FANCI: variants seen among roughly 807,000 people sequenced by gnomAD.
FANCI encodes FA complementation group I, also known as Fanconi anemia group I protein.
Under a neutral mutation model 176.1 loss-of-function variants are expected in FANCI, and 156 were observed. The observed-to-expected ratio is 0.89, with a 90% confidence interval of 0.78 to 1.01. The LOEUF (loss-of-function observed/expected upper bound fraction) is 1.01, where lower values mean the gene tolerates loss of function less well. FANCI is among the 50% of genes least tolerant of loss of function. The pLI is 0.00. For missense variants in FANCI, 1,678 were observed against 1,534.1 expected, an observed-to-expected ratio of 1.09 and a Z score of -1.57; for synonymous variants, 613 against 541.7, an observed-to-expected ratio of 1.13 and a Z score of -1.83.
At chr15:89,311,024 G>A (rs2054934084) in intron 34 of FANCI, among the ~76,000 whole-genome samples, 2 of 152,150 alleles carry the variant, frequency 1.3e-5, no homozygotes, top group African/African-American at 2.4e-5. Context: ...TTGGGAGGCT[G>A]AGGCAGGCGG....
At chr15:89,253,425 G>C (rs2052348130) in intron 2 of FANCI, among the ~76,000 whole-genome samples, 1 of 152,132 alleles carries the variant, frequency 6.6e-6, no homozygotes, top group Non-Finnish European at 1.5e-5. Context: ...GAGGTGGGAA[G>C]ATCGCTTGAG....
In FANCI at chr15:89,300,262, T is replaced by C. The variant is rs1025887889; in HGVS notation, c.2804-38T>C. 21 of 1,592,048 alleles carry C rather than the reference T, an allele frequency of 1.3e-5. No homozygotes were observed. In the African/African-American group the frequency reaches 2.6e-4, roughly 19 times the overall value. ...ATTAAAAGGCCAAAAAGTATGAGTT[T>C]ATATCAAAGAAGACAAGAGTTTCTT... On this transcript the variant is annotated intron_variant, in intron 25 of 37. Transcript: ENST00000310775.
chr15:89,253,402 A>G (rs980932195), intron 2 of FANCI, among the ~76,000 whole-genome samples: 2 of 152,124 alleles, frequency 1.3e-5, no homozygotes, highest in African/African-American at 4.8e-5. Flanking sequence ...TAATCCCAGC[A>G]CTTTGGGAGG....
At position 89,316,618 on chromosome 15, in the gene FANCI, AG is replaced by A; in HGVS notation, c.*161del. ...TTCAGTTAGAAGGAATCTTCTTGGC[AG>A]GTCCTGCTACTGAAAAATGGCTGGC... On this transcript the variant is annotated 3_prime_UTR_variant, in exon 38 of 38. Coordinates refer to ENST00000310775, the MANE Select transcript of FANCI (RefSeq NM_001113378.2). 2 of 1,102,506 alleles carry A rather than the reference AG, an allele frequency of 1.8e-6. No homozygotes were observed. The highest frequency in any genetic ancestry group is 2.7e-6 in the Non-Finnish European group (2 of 728,570). The allele number at this position is 1,102,506 out of a possible 1,614,324, so 68.3% of individuals were successfully genotyped here.
In FANCI at chr15:89,258,741, A is replaced by G. The variant is rs1315561446; in HGVS notation, c.122A>G (p.Lys41Arg). Residue 41 changes from lysine to arginine, a missense_variant, in exon 3 of 38, where the codon AAA (lysine) becomes AGA (arginine). Around this residue, in one of 3 missense-constraint regions of FANCI, gnomAD observed 469 missense variants for 436.9 expected, o/e 1.07. Coordinates refer to ENST00000310775, the MANE Select transcript of FANCI (RefSeq NM_001113378.2). ...NLLQNQAVKG[K>R]VAGALLRAIF... Reference sequence around the variant, plus strand: ...CTTCAGAATCAAGCAGTGAAAGGAAAAGTTGCTGGAGCACTCCTGAGAGCC... The same window carrying G: ...CTTCAGAATCAAGCAGTGAAAGGAAGAGTTGCTGGAGCACTCCTGAGAGCC... The G allele has an allele frequency of 1.2e-6, 2 of 1,613,634 alleles. No homozygotes were observed. The highest frequency in any genetic ancestry group is 2.2e-5 in the East Asian group (1 of 44,876).
intron 35 of FANCI, 150 bp downstream of exon 35, chr15:89,313,122 T>A (rs1432053720): frequency 1.3e-6 from 1 of 787,058 alleles, no homozygotes; most frequent in Middle Eastern, 2.2e-4. Flanking sequence ...CAAACTAGAT[T>A]AGTGGTAGCG....
At chr15:89,314,843 C>A (rs1332688617) in intron 36 of FANCI, 136 bp downstream of exon 36, 36 of 552,000 alleles carry the variant, frequency 6.5e-5, no homozygotes, top group Admixed American at 2.6e-4. Flanking sequence ...CTCTCCCCCC[C>A]CCCCCCTTTT....
chr15:89,289,595 C>T lies in FANCI; in HGVS notation c.1822-618C>T, dbSNP rs1043022934. The stretch of plus-strand genomic sequence containing the variant: ...TGCTGGGATTACAGGCATGAGCCAC[C>T]GTGTCTGGCCTGTTTCTTTTCTTTA... On this transcript the variant is annotated intron_variant, in intron 18 of 37. Transcript: ENST00000310775. Among the ~76,000 whole-genome samples, 4 of 151,738 alleles carry T rather than the reference C, an allele frequency of 2.6e-5. No homozygotes were observed. The East Asian group carries it at 5.9e-4, about 22-fold the overall frequency.
chr15:89,256,370 C>T (rs952769150), intron 2 of FANCI, among the ~76,000 whole-genome samples: 6 of 152,202 alleles, frequency 3.9e-5, no homozygotes, highest in Admixed American at 2.6e-4. Flanking sequence ...GGACCAAGTA[C>T]TCTGTTGGAA....
At chr15:89,277,196 T>C (rs1031900544) in intron 13 of FANCI, among the ~76,000 whole-genome samples, 14 of 152,242 alleles carry the variant, frequency 9.2e-5, no homozygotes, top group Admixed American at 9.2e-4. Context: ...GTAAACCATT[T>C]CTAGTTTTTG....
intron 34 of FANCI, chr15:89,307,994 G>C: frequency 8.0e-7 from 1 of 1,250,394 alleles, no homozygotes; most frequent in African/African-American, 1.5e-5. Context: ...GGCATCCTCT[G>C]GGAATGTGAG....
At chr15:89,300,584 C>A (rs966801381) in intron 26 of FANCI, among the ~76,000 whole-genome samples, 199 bp downstream of exon 26, 1 of 152,164 alleles carries the variant, frequency 6.6e-6, no homozygotes, top group African/African-American at 2.4e-5. Flanking sequence ...GGTATTTAGC[C>A]ACCCCAACCT....
intron 2 of FANCI, among the ~76,000 whole-genome samples, chr15:89,248,973 G>A (rs906281306): frequency 3.9e-5 from 6 of 152,104 alleles, no homozygotes; most frequent in African/African-American, 1.2e-4. Flanking sequence ...CCAGGAGTTC[G>A]AGATCAGCTT....
rs144536037 is a variant in FANCI at position 89,289,361 on chromosome 15, G to A, written c.1822-852G>A. Among the ~76,000 whole-genome samples, 745 of 151,974 alleles carry A rather than the reference G, an allele frequency of 4.9e-3. 3 individuals carry two copies. Among genetic ancestry groups the A allele is most frequent in the African/African-American group, 0.017 (713 of 41,420 alleles). On this transcript the variant is annotated intron_variant, in intron 18 of 37. Coordinates refer to ENST00000310775, the MANE Select transcript of FANCI (RefSeq NM_001113378.2). Reference sequence around the variant, plus strand: ...TGCCCAGACTGGAATGCAGTGGTGCGGTCTCGGGTCTCAGCTCACCACAAC... The same window carrying A: ...TGCCCAGACTGGAATGCAGTGGTGCAGTCTCGGGTCTCAGCTCACCACAAC...
chr15:89,257,284 T>A (rs934169385), intron 2 of FANCI, among the ~76,000 whole-genome samples: 3 of 152,220 alleles, frequency 2.0e-5, no homozygotes, highest in African/African-American at 7.2e-5. Flanking sequence ...CAAATATTTA[T>A]CTTAGATCTA....
Position 89,286,977 on chromosome 15 carries a change from C to CTTTTTTT in FANCI, c.1821+1774_1821+1780dup, listed in dbSNP as rs543431700. ...TCAGCATTTGCTGCTTCACCTTGCA[C>CTTTTTTT]TTTTTTTTTTTTTTTTTTTTTGAGT... On this transcript the variant is annotated intron_variant, in intron 18 of 37. Coordinates refer to ENST00000310775, the MANE Select transcript of FANCI (RefSeq NM_001113378.2). 6.4e-4 allele frequency among the ~76,000 whole-genome samples: 55 copies of CTTTTTTT among 86,032 alleles called. 5 individuals carry two copies. Among genetic ancestry groups the CTTTTTTT allele is most frequent in the African/African-American group, 2.1e-3 (45 of 21,172 alleles). The allele number at this position is 86,032 out of a possible 152,430, so 56.4% of individuals were successfully genotyped here.
chr15:89,285,235 G>A lies in FANCI; in HGVS notation c.1821+17G>A. The A allele has an allele frequency of 6.2e-7, 1 of 1,613,862 alleles. No individual in the cohort carries two copies. The stretch of plus-strand genomic sequence containing the variant: ...CTTTATGAGGTAAGTCCGTAGAATG[G>A]AAAGAATGTAGCAAAACCCCAACTA... On this transcript the variant is annotated intron_variant, in intron 18 of 37. Transcript: ENST00000310775.
chr15:89,303,891 A>C lies in FANCI; in HGVS notation c.3034A>C (p.Lys1012Gln). The C allele has an allele frequency of 6.2e-7, 1 of 1,614,132 alleles. No homozygotes were observed. The highest frequency in any genetic ancestry group is 8.5e-7 in the Non-Finnish European group (1 of 1,179,986). Residue 1012 changes from lysine to glutamine, a missense_variant, in exon 28 of 38, where the codon AAG (lysine) becomes CAG (glutamine). Physicochemically the swap from Lys to Gln is moderately conservative, Grantham distance 53 (BLOSUM62 1). This residue lies in a region of FANCI where 1,204 missense variants were observed against 1,077.4 expected (regional missense o/e 1.12). Coordinates refer to ENST00000310775, the MANE Select transcript of FANCI (RefSeq NM_001113378.2). ...TGTGCAGATGTTATCCTGGACATCA[A>C]AGATTTGCAAGGAAAACAGCCGGGG... ...QFVQMLSWTS[K>Q]ICKENSREDA...
At chr15:89,298,357 T>C (rs2054392838) in intron 24 of FANCI, among the ~76,000 whole-genome samples, 1 of 152,170 alleles carries the variant, frequency 6.6e-6, no homozygotes, top group Non-Finnish European at 1.5e-5. Context: ...ATAATCCCCA[T>C]ATATTAGAAA....
Sources: allele counts gnomAD v4.1 joint callset (sites outside exome capture counted in the v4.1 genomes callset), GRCh38; gene constraint gnomAD v4.1.1; regional missense constraint gnomAD v4.1.1; transcripts MANE v1.5; gene names NCBI Gene and HGNC (gene_info 2026-07-23, HGNC 2026-07-21).